YPEL1: variants seen among roughly 807,000 people sequenced by gnomAD.
YPEL1 encodes protein yippee-like 1.
Under a neutral mutation model 17.3 loss-of-function variants are expected in YPEL1, and 7 were observed. That is an observed-to-expected ratio of 0.40 (90% CI 0.23 to 0.76). YPEL1 has a LOEUF of 0.76. Among genes scored for constraint, YPEL1 ranks in the 30% least tolerant of loss-of-function variants. The pLI, the probability that YPEL1 is intolerant of heterozygous loss-of-function variation, is 0.35. For synonymous variants in YPEL1, 59 were observed against 59.6 expected, an observed-to-expected ratio of 0.99 and a Z score of 0.05; for missense variants, 91 against 155.5, an observed-to-expected ratio of 0.59 and a Z score of 2.21.
intron 1 of YPEL1, among the ~76,000 whole-genome samples, chr22:21,725,353 G>A (rs1177885747): frequency 6.6e-6 from 1 of 151,724 alleles, no homozygotes; most frequent in Non-Finnish European, 1.5e-5. Flanking sequence ...CCAAGTAGCT[G>A]GGACTACAGG....
rs1428973999 is a variant in YPEL1 at position 21,698,277 on chromosome 22, T to C, written c.*2852A>G. ...TATAAATTACAAAAAAAAAAAAAAA[T>C]ACAAAAGTCATAAGACTACTAGTAA... On this transcript the variant is annotated 3_prime_UTR_variant, in exon 5 of 5. Transcript: ENST00000339468. The C allele has an allele frequency of 1.7e-5, 2 of 114,426 alleles. No individual in the cohort carries two copies. The highest frequency in any genetic ancestry group is 3.9e-5 in the Non-Finnish European group (2 of 50,650). 7.1% of individuals were successfully genotyped at this position (114,426 alleles called of 1,614,324 possible).
At chr22:21,712,810 A>T (rs190220083) in intron 1 of YPEL1, among the ~76,000 whole-genome samples, 189 of 152,120 alleles carry the variant, frequency 1.2e-3, no homozygotes, top group African/African-American at 4.4e-3. Flanking sequence ...ATGTTAAAAA[A>T]AACTCAGCAA....
intron 1 of YPEL1, 66 bp from the exon 2 acceptor site, chr22:21,710,974 G>A: frequency 1.9e-6 from 1 of 535,308 alleles, no homozygotes; most frequent in East Asian, 3.1e-5. Context: ...GGTACATATG[G>A]GATTCATGTG....
In YPEL1 at chr22:21,697,630, GC is replaced by G. The variant is rs1367400647; in HGVS notation, c.*3498del. ...GGCCAGAGGACAGGGGAAGCTGAAG[GC>G]CCCGTGCTTGAGCTCGGCAGTCCTG... On this transcript the variant is annotated 3_prime_UTR_variant, in exon 5 of 5. Transcript: ENST00000339468. The G allele has an allele frequency of 6.5e-6, 1 of 153,280 alleles. No homozygotes were observed. Among genetic ancestry groups the G allele is most frequent in the Non-Finnish European group, 1.5e-5 (1 of 68,828 alleles). The allele number at this position is 153,280 out of a possible 1,614,324, so 9.5% of individuals were successfully genotyped here.
chr22:21,703,445 C>T lies in YPEL1; in HGVS notation c.195G>A (p.Arg65=). The T allele has an allele frequency of 6.2e-7, 1 of 1,612,328 alleles. No homozygotes were observed. The highest frequency in any genetic ancestry group is 8.5e-7 in the Non-Finnish European group (1 of 1,179,976). ...CCGCATGCAGCCCGGTGAGAAGGAC[C>T]CTCTCCTCTGCAGGGCCGCAGCCCA... ...VNVGCGPAEE[R]VLLTGLHAVA... The change falls in exon 4 of 5, where the codon AGG becomes AGA. Residue 65 remains arginine, a synonymous_variant. Coordinates refer to ENST00000339468, the MANE Select transcript of YPEL1 (RefSeq NM_013313.5). The surrounding 1 kb of genome is among the most constrained non-coding windows in gnomAD (Gnocchi z 6.1).
intron 2 of YPEL1, among the ~76,000 whole-genome samples, chr22:21,709,413 A>C (rs1362581860): frequency 6.6e-6 from 1 of 152,200 alleles, no homozygotes; most frequent in Non-Finnish European, 1.5e-5. Flanking sequence ...AGAAATGAGG[A>C]GCCTCTCACT....
At chr22:21,727,720 C>T (rs1402678297) in intron 1 of YPEL1, among the ~76,000 whole-genome samples, 1 of 152,198 alleles carries the variant, frequency 6.6e-6, no homozygotes, top group Non-Finnish European at 1.5e-5. Context: ...GGAGTGCAGA[C>T]TGGGGTGCCC....
rs1386946548 is a variant in YPEL1 at position 21,703,090 on chromosome 22, C to T, written c.270+280G>A. 2.6e-5 allele frequency among the ~76,000 whole-genome samples: 4 copies of T among 152,166 alleles called. No homozygotes were observed. Among genetic ancestry groups the T allele is most frequent in the East Asian group, 3.9e-4 (2 of 5,194 alleles). ...CAGGCTCTGCTCAGCGGGCCGAGGG[C>T]GGGCTGGGTGCAGAGAGCCTGGCTT... On this transcript the variant is annotated intron_variant, in intron 4 of 4. Transcript: ENST00000339468. The surrounding 1 kb of genome is among the most constrained non-coding windows in gnomAD (Gnocchi z 6.1).
intron 1 of YPEL1, 44 bp from the exon 2 acceptor site, chr22:21,710,952 G>T: frequency 1.7e-6 from 1 of 594,582 alleles, no homozygotes; most frequent in Non-Finnish European, 3.0e-6. Flanking sequence ...GAGAGAACAT[G>T]CGTGTGAAGC....
intron 1 of YPEL1, among the ~76,000 whole-genome samples, chr22:21,718,355 C>G (rs1163826214): frequency 6.6e-6 from 1 of 151,824 alleles, no homozygotes; most frequent in African/African-American, 2.4e-5. Flanking sequence ...GTCCCAGCTA[C>G]TTGGGAGGCT....
At chr22:21,733,471 C>A (rs5999236) in intron 1 of YPEL1, among the ~76,000 whole-genome samples, 55,256 of 151,666 alleles carry the variant, frequency 0.36, 10,664 homozygotes, top group East Asian at 0.44. Flanking sequence ...TGGTGGCTCA[C>A]ACCTATAATC....
chr22:21,721,347 T>G (rs2068280932), intron 1 of YPEL1, among the ~76,000 whole-genome samples: 1 of 151,422 alleles, frequency 6.6e-6, no homozygotes. Flanking sequence ...CTAAATCTCC[T>G]GACCTCGTGA....
chr22:21,725,327 C>T (rs1039729247), intron 1 of YPEL1, among the ~76,000 whole-genome samples: 56 of 151,544 alleles, frequency 3.7e-4, no homozygotes, highest in Admixed American at 1.5e-3. Flanking sequence ...TCATGCCATT[C>T]TCCTGCCTCA....
chr22:21,701,161 C>T lies in YPEL1; in HGVS notation c.328G>A (p.Ala110Thr), dbSNP rs756225439. ...CAGCCATTGTCTTTGATCATATGAG[C>T]AAGCTCAATGATGAATTTTCCTTCC... Reference protein sequence around the residue: ...YKEGKFIIELAHMIKDNGWE With the variant: ...YKEGKFIIELTHMIKDNGWE Residue 110 changes from alanine (A) to threonine (T), a missense_variant, in exon 5 of 5, where the codon GCT (alanine) becomes ACT (threonine). Physicochemically the swap from Ala to Thr is moderately conservative, Grantham distance 58. Transcript: ENST00000339468. 1 of 1,613,958 alleles carries T rather than the reference C, an allele frequency of 6.2e-7. No individual in the cohort carries two copies. The highest frequency in any genetic ancestry group is 1.1e-5 in the South Asian group (1 of 91,068).
intron 1 of YPEL1, among the ~76,000 whole-genome samples, chr22:21,711,413 A>G (rs955518087): frequency 1.3e-5 from 2 of 152,252 alleles, no homozygotes; most frequent in Admixed American, 1.3e-4. Context: ...AAGGAGAGGC[A>G]GAACCAAGAC....
At position 21,703,587 on chromosome 22, in the gene YPEL1, G is replaced by A; in HGVS notation, c.162-109C>T. 1 of 1,033,366 alleles carries A rather than the reference G, an allele frequency of 9.7e-7. No individual in the cohort carries two copies. Among genetic ancestry groups the A allele is most frequent in the Non-Finnish European group, 1.4e-6 (1 of 694,446 alleles). 64.0% of individuals were successfully genotyped at this position (1,033,366 alleles called of 1,614,324 possible). A position where few individuals can be genotyped will look rare whatever the true frequency, so the allele number is the denominator to read the frequency against. Reference sequence around the variant, plus strand: ...CTCCTAAGAGTTCCCCCAAAACAGGGAAACTCCCAGAGAGCAGTGCCGTGC... The same window carrying A: ...CTCCTAAGAGTTCCCCCAAAACAGGAAAACTCCCAGAGAGCAGTGCCGTGC... On this transcript the variant is annotated intron_variant, in intron 3 of 4. Transcript: ENST00000339468. This position sits in a 1 kb window ranked among gnomAD's most constrained non-coding sequence, Gnocchi z 6.1.
chr22:21,717,247 C>G (rs1366568125), intron 1 of YPEL1, among the ~76,000 whole-genome samples: 2 of 151,756 alleles, frequency 1.3e-5, no homozygotes, highest in Non-Finnish European at 2.9e-5. Context: ...GTGGTGGTGT[C>G]TGCCTGTAGT....
intron 2 of YPEL1, among the ~76,000 whole-genome samples, chr22:21,708,959 C>G (rs1053469300): frequency 1.3e-5 from 2 of 152,150 alleles, no homozygotes; most frequent in Non-Finnish European, 2.9e-5. Context: ...CAGGGGTGAG[C>G]CACCACGCCC....
intron 1 of YPEL1, among the ~76,000 whole-genome samples, chr22:21,724,543 A>G (rs577012575): frequency 4.1e-4 from 62 of 150,564 alleles, no homozygotes; most frequent in Middle Eastern, 3.4e-3. Context: ...TCCTGGGGGG[A>G]AAAAAATAGT....
Sources: gnomAD v4.1 joint callset for allele counts (sites outside exome capture counted in the v4.1 genomes callset) on GRCh38, gnomAD v4.1.1 for gene constraint, Gnocchi (gnomAD v3.1) non-coding constraint, MANE v1.5 for transcripts, NCBI Gene and HGNC (gene_info 2026-07-23, HGNC 2026-07-21) for gene names.